Variants in MCTP1 observed in about 807,000 individuals in gnomAD.
MCTP1 encodes multiple C2 and transmembrane domain-containing protein 1.
Under a neutral mutation model 120.6 loss-of-function variants are expected in MCTP1, and 69 were observed. The ratio of observed to expected loss-of-function variants is 0.57; its 90% CI spans 0.47 to 0.70. The LOEUF (loss-of-function observed/expected upper bound fraction) is 0.70. MCTP1 is among the 30% of genes least tolerant of loss of function. The pLI, the probability that MCTP1 is intolerant of heterozygous loss-of-function variation, is 0.00. For synonymous variants in MCTP1, 529 were observed against 493.1 expected (o/e 1.07, Z -0.96); for missense variants, 1,203 against 1,248.8 (o/e 0.96, Z 0.55).
In MCTP1 at chr5:95,182,953, A is replaced by C. The variant is rs1016671527; in HGVS notation, c.720+100903T>G. On this transcript the variant is annotated intron_variant, in intron 1 of 22. Transcript: ENST00000515393. Reference sequence around the variant, plus strand: ...AGGCAGGAGAATCGCTTGAACCTGGAAGACAGAGGTTGCAGTGGGCTGAGA... The same window carrying C: ...AGGCAGGAGAATCGCTTGAACCTGGCAGACAGAGGTTGCAGTGGGCTGAGA... Among the ~76,000 whole-genome samples, 10 of 151,500 alleles carry C rather than the reference A, an allele frequency of 6.6e-5. No homozygotes were observed. The South Asian group carries it at 1.0e-3, about 16-fold the overall frequency.
rs373439204 is a variant in MCTP1, at chr5:95,186,824, C to G, written c.720+97032G>C. Among the ~76,000 whole-genome samples, 4 of 152,252 alleles carry G rather than the reference C, an allele frequency of 2.6e-5. No homozygotes were observed. The East Asian group carries it at 7.7e-4, about 29-fold the overall frequency. ...ACAGACTCTAGATCTATTCCTAGAT[C>G]CATCCAGAGAGAGCCACAGAAGAGA... On this transcript the variant is annotated intron_variant, in intron 1 of 22. Transcript: ENST00000515393.
intron 19 of MCTP1, among the ~76,000 whole-genome samples, chr5:94,751,333 A>G (rs1312412487): frequency 2.0e-5 from 3 of 151,738 alleles, no homozygotes; most frequent in Non-Finnish European, 2.9e-5. Context: ...TTAGCATACC[A>G]AATCACAGTT....
Position 94,798,953 on chromosome 5 carries a change from T to C in MCTP1, c.2556+60A>G, listed in dbSNP as rs557182061. 1.9e-6 allele frequency: 3 copies of C among 1,544,064 alleles called. No individual in the cohort carries two copies. In the East Asian group the frequency reaches 6.9e-5, roughly 35 times the overall value. ...TGTAAAGCCAAATTCAATGTTGATC[T>C]TGTCAGAGGGACTCAGAATAAGAAC... On this transcript the variant is annotated intron_variant, in intron 18 of 22. Transcript: ENST00000515393.
chr5:95,141,937 C>G (rs1164606403), intron 1 of MCTP1, among the ~76,000 whole-genome samples: 1 of 152,152 alleles, frequency 6.6e-6, no homozygotes, highest in African/African-American at 2.4e-5. Context: ...TAAGCCTTTA[C>G]TTACTACCAG....
At chr5:94,788,828 A>T (rs1166167550) in intron 18 of MCTP1, 1 of 152,222 alleles carries the variant, frequency 6.6e-6, no homozygotes, top group Non-Finnish European at 1.5e-5. Flanking sequence ...CCAGTCTTAC[A>T]TCTCAATTAC....
At chr5:94,747,234 A>G (rs1010335722) in intron 19 of MCTP1, among the ~76,000 whole-genome samples, 3 of 152,234 alleles carry the variant, frequency 2.0e-5, no homozygotes, top group Admixed American at 1.3e-4. Context: ...GATTGCTACA[A>G]TTCTGACAAT....
rs181922388 is a variant in MCTP1, at chr5:94,975,503, C to T, written c.839-22142G>A. 3.9e-5 allele frequency among the ~76,000 whole-genome samples: 6 copies of T among 152,054 alleles called. No individual in the cohort carries two copies. In the East Asian group the frequency reaches 7.8e-4, roughly 20 times the overall value. On this transcript the variant is annotated intron_variant, in intron 2 of 22. Transcript: ENST00000515393. ...TCACCAGGAACCCAATCTGCTGGCA[C>T]CTTGATCTTAGACTTCCCAGGCTTT...
At chr5:95,089,688 T>G (rs1755700580) in intron 1 of MCTP1, among the ~76,000 whole-genome samples, 1 of 152,208 alleles carries the variant, frequency 6.6e-6, no homozygotes, top group Admixed American at 6.5e-5. Context: ...GTCTCTCTTT[T>G]TAAGTCCTTA....
chr5:95,114,209 C>T (rs1430997191), intron 1 of MCTP1, among the ~76,000 whole-genome samples: 1 of 152,206 alleles, frequency 6.6e-6, no homozygotes, highest in Non-Finnish European at 1.5e-5. Flanking sequence ...TAAGCACATT[C>T]TCAGCTATGG....
intron 1 of MCTP1, among the ~76,000 whole-genome samples, chr5:95,193,948 C>A (rs1750100868): frequency 6.6e-6 from 1 of 152,120 alleles, no homozygotes; most frequent in Non-Finnish European, 1.5e-5. Context: ...TGGTGCTTCA[C>A]GCTTGTAACC....
At chr5:95,096,578 C>T (rs537420579) in intron 1 of MCTP1, among the ~76,000 whole-genome samples, 149 of 152,168 alleles carry the variant, frequency 9.8e-4, no homozygotes, top group African/African-American at 3.3e-3. Context: ...AGAGTCGCTT[C>T]AAAATTTGCT....
intron 1 of MCTP1, among the ~76,000 whole-genome samples, chr5:95,136,515 G>A (rs1759457882): frequency 6.6e-6 from 1 of 152,096 alleles, no homozygotes; most frequent in East Asian, 1.9e-4. Context: ...AAGTGGCGAG[G>A]AAAAAAGTTG....
chr5:94,742,029 G>A (rs1009141415), intron 19 of MCTP1, among the ~76,000 whole-genome samples: 4 of 152,054 alleles, frequency 2.6e-5, no homozygotes, highest in African/African-American at 9.7e-5. Context: ...TTTCTAGAGT[G>A]TTTGAACGAC....
At chr5:95,147,218 C>T (rs181570951) in intron 1 of MCTP1, among the ~76,000 whole-genome samples, 64 of 152,230 alleles carry the variant, frequency 4.2e-4, no homozygotes, top group African/African-American at 1.3e-3. Context: ...TCCTGAGCAG[C>T]TGGGACTACA....
chr5:95,214,630 A>G lies in MCTP1; in HGVS notation c.720+69226T>C, dbSNP rs186101151. Among the ~76,000 whole-genome samples the G allele has an allele frequency of 5.3e-3, 809 of 152,228 alleles. 11 individuals are homozygous for G. The highest frequency in any genetic ancestry group is 0.019 in the African/African-American group (770 of 41,552). On this transcript the variant is annotated intron_variant, in intron 1 of 22. Coordinates refer to ENST00000515393, the MANE Select transcript of MCTP1 (RefSeq NM_024717.7). ...GGAACCACTCCAAATGTCCAACAAC[A>G]ATAGACTGGATTAAGAAAATGTGGC...
chr5:95,021,026 G>A (rs963228595), intron 1 of MCTP1, among the ~76,000 whole-genome samples: 5 of 151,874 alleles, frequency 3.3e-5, no homozygotes, highest in African/African-American at 9.7e-5. Context: ...GATTATTATC[G>A]CATTTGTATT....
chr5:94,732,474 T>G (rs72773593), intron 19 of MCTP1, among the ~76,000 whole-genome samples: 34,537 of 152,058 alleles, frequency 0.23, 4,007 homozygotes, highest in East Asian at 0.34. Flanking sequence ...TTCTTAGCAC[T>G]TTATTTGCTT....
At chr5:95,140,057 G>T (rs1759777847) in intron 1 of MCTP1, among the ~76,000 whole-genome samples, 1 of 152,164 alleles carries the variant, frequency 6.6e-6, no homozygotes, top group Admixed American at 6.5e-5. Flanking sequence ...ATCTCAGCTT[G>T]ACCTCTACCT....
At position 95,284,431 on chromosome 5, in the gene MCTP1, G is replaced by C. The variant is rs766747520; in HGVS notation, c.145C>G (p.Arg49Gly). 1 of 1,550,850 alleles carries C rather than the reference G, an allele frequency of 6.4e-7. No individual in the cohort carries two copies. The highest frequency in any genetic ancestry group is 8.6e-7 in the Non-Finnish European group (1 of 1,156,814). Residue 49 changes from arginine (R) to glycine (G), a missense_variant, in exon 1 of 23, where the codon CGC becomes GGC. By Grantham distance (125) the Arg-to-Gly change is moderately radical (BLOSUM62 -2). Transcript: ENST00000515393. The surrounding 1 kb of genome is among the most constrained non-coding windows in gnomAD (Gnocchi z 5.2). ...GGGRAGGPER[R>G]TADTPSPSPP... is the part of the protein sequence containing the mutation. ...GAGGGCGACGGGGTGTCCGCAGTGC[G>C]GCGCTCTGGACCCCCAGCGCGCCCG...
Sources: allele counts gnomAD v4.1 joint callset (sites outside exome capture counted in the v4.1 genomes callset), GRCh38; gene constraint gnomAD v4.1.1; non-coding constraint Gnocchi (gnomAD v3.1); transcripts MANE v1.5; gene names NCBI Gene and HGNC (gene_info 2026-07-23, HGNC 2026-07-21).